The following SIPA1L1 variants were observed in gnomAD, a reference collection of about 807,000 sequenced individuals.
SIPA1L1 encodes signal-induced proliferation-associated 1-like protein 1.
SIPA1L1 carries 26 observed loss-of-function variants against 162.7 expected under a neutral mutation model. That is an observed-to-expected ratio of 0.16 (90% CI 0.12 to 0.22). SIPA1L1 has a LOEUF of 0.22. SIPA1L1 is among the 10% of genes least tolerant of loss of function. The pLI, the probability that SIPA1L1 is intolerant of heterozygous loss-of-function variation, is 1.00. For synonymous variants in SIPA1L1, 829 were observed against 837.4 expected, an observed-to-expected ratio of 0.99 and a Z score of 0.17; for missense variants, 1,874 against 2,241.0, an observed-to-expected ratio of 0.84 and a Z score of 3.31.
intron 4 of SIPA1L1, chr14:71,586,594 A>G (rs1166554791): frequency 6.6e-6 from 1 of 152,120 alleles, no homozygotes; most frequent in South Asian, 2.1e-4. Flanking sequence ...AATGTACGCA[A>G]CCATGCAGAA....
At chr14:71,341,021 A>G (rs2035598733) in intron 2 of SIPA1L1, among the ~76,000 whole-genome samples, 1 of 152,224 alleles carries the variant, frequency 6.6e-6, no homozygotes, top group African/African-American at 2.4e-5. Context: ...ACCTAGAGAA[A>G]AGTCATGGAT....
chr14:71,513,401 AGT>A (rs1040079209), intron 3 of SIPA1L1, among the ~76,000 whole-genome samples: 5 of 152,022 alleles, frequency 3.3e-5, no homozygotes, highest in African/African-American at 1.2e-4. Flanking sequence ...GGTTCTCCAG[AGT>A]GTGTGTGTTT....
chr14:71,408,146 AT>A (rs1285712079), intron 2 of SIPA1L1, among the ~76,000 whole-genome samples: 2 of 151,834 alleles, frequency 1.3e-5, no homozygotes, highest in African/African-American at 4.8e-5. Flanking sequence ...AGACAATAAT[AT>A]TTTTTTTGCT....
intron 2 of SIPA1L1, among the ~76,000 whole-genome samples, chr14:71,419,478 C>CTTTT (rs1566998826): frequency 7.8e-6 from 1 of 128,210 alleles, no homozygotes; most frequent in African/African-American, 3.0e-5. Context: ...AGGAGGATCT[C>CTTTT]TCTTTTTTTT....
intron 2 of SIPA1L1, among the ~76,000 whole-genome samples, chr14:71,342,705 A>C (rs1043803627): frequency 1.3e-5 from 2 of 152,100 alleles, no homozygotes; most frequent in Non-Finnish European, 2.9e-5. Context: ...ATGTTTTTTG[A>C]ATCCAGTATA....
chr14:71,595,651 C>A lies in SIPA1L1; in HGVS notation c.1498+6281C>A, dbSNP rs1000730736. On this transcript the variant is annotated intron_variant, in intron 5 of 23. Coordinates refer to ENST00000381232, the MANE Select transcript of SIPA1L1 (RefSeq NM_001386936.1). The stretch of plus-strand genomic sequence containing the variant: ...TTGTCCCCAGGCTTTCTCCTTAGTT[C>A]CGGCTGCATTTCTCACCAGCTGTTA... Among the ~76,000 whole-genome samples the A allele has an allele frequency of 2.0e-5, 3 of 152,212 alleles. No homozygotes were observed. The East Asian group carries it at 5.8e-4, about 29-fold the overall frequency.
At chr14:71,624,812 G>A (rs1265883273) in intron 7 of SIPA1L1, among the ~76,000 whole-genome samples, 1 of 152,134 alleles carries the variant, frequency 6.6e-6, no homozygotes, top group East Asian at 1.9e-4. Flanking sequence ...TCACCGCGCT[G>A]TTCTTAAAAG....
At chr14:71,676,933 C>G (rs576280687) in intron 12 of SIPA1L1, among the ~76,000 whole-genome samples, 1 of 152,282 alleles carries the variant, frequency 6.6e-6, no homozygotes, top group African/African-American at 2.4e-5. Context: ...CCGCAATAAA[C>G]ATATGTGTGC....
At chr14:71,565,401 G>A (rs961532574) in intron 4 of SIPA1L1, among the ~76,000 whole-genome samples, 45 of 152,330 alleles carry the variant, frequency 3.0e-4, no homozygotes, top group African/African-American at 9.9e-4. Context: ...GTTTTGGGAA[G>A]GGGTTTGGTA....
intron 4 of SIPA1L1, among the ~76,000 whole-genome samples, chr14:71,546,917 G>A (rs1009047842): frequency 5.9e-5 from 9 of 152,126 alleles, no homozygotes; most frequent in African/African-American, 1.7e-4. Flanking sequence ...TGCTCCTTTT[G>A]TGCAGTCATC....
At position 71,671,709 on chromosome 14, in the gene SIPA1L1, T is replaced by C. The variant is rs754226138; in HGVS notation, c.2829+17T>C. The C allele has an allele frequency of 6.5e-6, 10 of 1,544,648 alleles. No individual in the cohort carries two copies. The highest frequency in any genetic ancestry group is 1.2e-5 in the South Asian group (1 of 80,422). On this transcript the variant is annotated intron_variant, in intron 11 of 23. Coordinates refer to ENST00000381232, the MANE Select transcript of SIPA1L1 (RefSeq NM_001386936.1). Reference sequence around the variant, plus strand: ...AGGTTGCAGGTGAGTCTCTCCTTCCTCTTCCTTACATGCAGTTTCTCTTTC... The same window carrying C: ...AGGTTGCAGGTGAGTCTCTCCTTCCCCTTCCTTACATGCAGTTTCTCTTTC...
intron 14 of SIPA1L1, among the ~76,000 whole-genome samples, chr14:71,700,685 T>G (rs1270835974): frequency 6.6e-6 from 1 of 152,080 alleles, no homozygotes; most frequent in African/African-American, 2.4e-5. Context: ...AAACAGTAAC[T>G]GGGGGGATGA....
intron 2 of SIPA1L1, among the ~76,000 whole-genome samples, chr14:71,435,933 T>C (rs2044345746): frequency 6.6e-6 from 1 of 152,222 alleles, no homozygotes. Flanking sequence ...CCAGTGATGA[T>C]GAGCATTTTT....
chr14:71,639,938 C>G lies in SIPA1L1; in HGVS notation c.1819-10397C>G, dbSNP rs981183750. Among the ~76,000 whole-genome samples the G allele has an allele frequency of 9.2e-5, 14 of 152,230 alleles. No homozygotes were observed. In the East Asian group the frequency reaches 2.7e-3, roughly 29 times the overall value. On this transcript the variant is annotated intron_variant, in intron 7 of 23. Coordinates refer to ENST00000381232, the MANE Select transcript of SIPA1L1 (RefSeq NM_001386936.1). ...TGTTTTTTTGAGACTGAGTCTTGCT[C>G]TGTTGCCCAGGCTGGAGTGCAGTGG...
rs913178892 is a variant in SIPA1L1 at position 71,543,334 on chromosome 14, A to G, written c.-303+13964A>G. Among the ~76,000 whole-genome samples the G allele has an allele frequency of 2.0e-5, 3 of 152,242 alleles. No homozygotes were observed. The South Asian group carries it at 6.2e-4, about 32-fold the overall frequency. On this transcript the variant is annotated intron_variant, in intron 4 of 23. Transcript: ENST00000381232. Reference sequence around the variant, plus strand: ...TTCTGATTATTGGCTGTTAGGAATAAGATTGCTATCAACATTCTTGTACAA... The same window carrying G: ...TTCTGATTATTGGCTGTTAGGAATAGGATTGCTATCAACATTCTTGTACAA...
intron 17 of SIPA1L1, among the ~76,000 whole-genome samples, chr14:71,718,310 T>C (rs1023302552): frequency 6.6e-6 from 1 of 152,214 alleles, no homozygotes; most frequent in Non-Finnish European, 1.5e-5. Flanking sequence ...AATTGTTCAT[T>C]TGTTTCTCTC....
intron 13 of SIPA1L1, among the ~76,000 whole-genome samples, chr14:71,698,028 T>C (rs573330671): frequency 7.9e-5 from 12 of 152,198 alleles, no homozygotes; most frequent in Non-Finnish European, 1.8e-4. Flanking sequence ...ACCTGACTTG[T>C]TGTGAACTTG....
intron 7 of SIPA1L1, among the ~76,000 whole-genome samples, chr14:71,637,784 T>A (rs2041312091): frequency 6.6e-6 from 1 of 152,108 alleles, no homozygotes; most frequent in African/African-American, 2.4e-5. Context: ...GGTATATAGT[T>A]ATATAGGGTT....
chr14:71,457,037 C>T (rs901682704), intron 2 of SIPA1L1, among the ~76,000 whole-genome samples: 3 of 152,158 alleles, frequency 2.0e-5, no homozygotes, highest in African/African-American at 7.2e-5. Context: ...CTGCCTTGGC[C>T]TCCCAAAGTG....
Sources: allele counts gnomAD v4.1 joint callset (sites outside exome capture counted in the v4.1 genomes callset), GRCh38; gene constraint gnomAD v4.1.1; transcripts MANE v1.5; gene names NCBI Gene and HGNC (gene_info 2026-07-23, HGNC 2026-07-21).